Variants in CEP128 observed in about 807,000 individuals in gnomAD.
CEP128 encodes centrosomal protein 128kDa.
In CEP128, 132 loss-of-function variants were observed where a neutral mutation model predicts 156.7. That is an observed-to-expected ratio of 0.84 (90% confidence interval 0.73 to 0.97). CEP128 has a LOEUF of 0.97. CEP128 is among the 50% of genes least tolerant of loss of function. The pLI is 0.00. For synonymous variants in CEP128, 469 were observed against 448.9 expected (o/e 1.04, Z -0.57); for missense variants, 1,252 against 1,281.9 (o/e 0.98, Z 0.36).
intron 19 of CEP128, among the ~76,000 whole-genome samples, chr14:80,726,209 A>G (rs940310703): frequency 2.6e-5 from 4 of 152,204 alleles, no homozygotes; most frequent in Non-Finnish European, 5.9e-5. Context: ...TTGTATTAAT[A>G]GGGAAAATTC....
At chr14:80,520,658 A>G (rs1271627665) in intron 23 of CEP128, among the ~76,000 whole-genome samples, 1 of 151,886 alleles carries the variant, frequency 6.6e-6, no homozygotes, top group Non-Finnish European at 1.5e-5. Flanking sequence ...ACATGACTTT[A>G]ATCCATTTTC....
chr14:80,859,329 T>C (rs1887388039), intron 9 of CEP128, among the ~76,000 whole-genome samples: 1 of 144,002 alleles, frequency 6.9e-6, no homozygotes, highest in Non-Finnish European at 1.5e-5. Flanking sequence ...TTCTCACTCA[T>C]AGGTGGGAAT....
At position 80,730,601 on chromosome 14, in the gene CEP128, T is replaced by C. The variant is rs1290591343; in HGVS notation, c.2806+12474A>G. Among the ~76,000 whole-genome samples the C allele has an allele frequency of 1.3e-5, 2 of 152,246 alleles. 1 individual carries two copies. The highest frequency in any genetic ancestry group is 4.1e-4 in the South Asian group (2 of 4,836). On this transcript the variant is annotated intron_variant, in intron 19 of 24. Transcript: ENST00000555265. ...GCTTTGTAGAGAGACAAATATTTCA[T>C]GACCACAAAAGTGTAAGTTAGTCAG...
At chr14:80,508,475 TC>T (rs1473477278) in intron 23 of CEP128, among the ~76,000 whole-genome samples, 5 of 152,208 alleles carry the variant, frequency 3.3e-5, no homozygotes, top group African/African-American at 1.2e-4. Flanking sequence ...ATTTTCTCTA[TC>T]ATGATCATCA....
chr14:80,544,509 G>A (rs970765389), intron 21 of CEP128, among the ~76,000 whole-genome samples: 9 of 151,974 alleles, frequency 5.9e-5, no homozygotes, highest in African/African-American at 2.2e-4. Context: ...TCTTATATGG[G>A]CACTAATTCC....
chr14:80,659,461 A>G (rs1424301524), intron 19 of CEP128, among the ~76,000 whole-genome samples: 2 of 152,178 alleles, frequency 1.3e-5, no homozygotes, highest in African/African-American at 2.4e-5. Context: ...GAATAAAGAC[A>G]CGCATGCATT....
intron 19 of CEP128, among the ~76,000 whole-genome samples, chr14:80,680,545 T>C (rs1298827216): frequency 6.6e-6 from 1 of 152,030 alleles, no homozygotes; most frequent in Non-Finnish European, 1.5e-5. Flanking sequence ...CGCAGACAAA[T>C]ATCCAGGCAT....
intron 21 of CEP128, among the ~76,000 whole-genome samples, chr14:80,535,107 T>G (rs1889424564): frequency 6.6e-6 from 1 of 152,166 alleles, no homozygotes; most frequent in African/African-American, 2.4e-5. Context: ...CTTAATCCTG[T>G]TTAGTAGCAA....
Position 80,496,963 on chromosome 14 carries a change from AT to A in CEP128, c.*515del, listed in dbSNP as rs1887519159. On this transcript the variant is annotated 3_prime_UTR_variant, in exon 25 of 25. Coordinates refer to ENST00000555265, the MANE Select transcript of CEP128 (RefSeq NM_152446.5). ...GATGATAGATATAAAAGTCCTGAGC[AT>A]TTATAAAGTGGACTGTCTAATGTTA... 2 of 152,448 alleles carry A rather than the reference AT, an allele frequency of 1.3e-5. No individual in the cohort carries two copies. Among genetic ancestry groups the A allele is most frequent in the Admixed American group, 1.3e-4 (2 of 15,274 alleles). The allele number at this position is 152,448 out of a possible 1,614,324, so 9.4% of individuals were successfully genotyped here.
chr14:80,686,201 C>T (rs547541951), intron 19 of CEP128, among the ~76,000 whole-genome samples: 258 of 151,910 alleles, frequency 1.7e-3, no homozygotes, highest in Admixed American at 3.5e-3. Context: ...ACTATGCATC[C>T]GACAAAAGTA....
intron 8 of CEP128, among the ~76,000 whole-genome samples, chr14:80,892,081 A>T (rs1756037399): frequency 6.6e-6 from 1 of 151,994 alleles, no homozygotes; most frequent in Non-Finnish European, 1.5e-5. Flanking sequence ...TAAAATTTGT[A>T]TGGAAACATA....
chr14:80,957,849 A>G (rs947255708), intron 2 of CEP128: 1 of 152,244 alleles, frequency 6.6e-6, no homozygotes, highest in Non-Finnish European at 1.5e-5. Flanking sequence ...AGGTGATGAC[A>G]TGATGCTGAT....
At position 80,756,749 on chromosome 14, in the gene CEP128, T is replaced by G. The variant is rs1899679301; in HGVS notation, c.2613+143A>C. 2.0e-5 allele frequency: 12 copies of G among 594,954 alleles called. No homozygotes were observed. In the South Asian group the frequency reaches 2.7e-4, roughly 13 times the overall value. 36.9% of individuals were successfully genotyped at this position (594,954 alleles called of 1,614,324 possible). ...ATAAGAAACATGGAGATTCCCTAAG[T>G]GGACTGCAGTGATATCTTCCCCTGC... is the stretch of plus-strand genomic sequence containing the variant. On this transcript the variant is annotated intron_variant, in intron 18 of 24. Transcript: ENST00000555265.
chr14:80,572,158 A>G (rs371682934), intron 20 of CEP128, among the ~76,000 whole-genome samples: 4 of 152,212 alleles, frequency 2.6e-5, no homozygotes, highest in African/African-American at 4.8e-5. Flanking sequence ...AGTAGACTGA[A>G]GCATAAAATA....
chr14:80,938,956 T>C (rs1274912655), intron 2 of CEP128, among the ~76,000 whole-genome samples: 1 of 152,208 alleles, frequency 6.6e-6, no homozygotes, highest in Non-Finnish European at 1.5e-5. Context: ...TGGGTGGGAC[T>C]GAAATTTGGA....
intron 2 of CEP128, among the ~76,000 whole-genome samples, chr14:80,932,315 G>C (rs746203322): frequency 6.6e-6 from 1 of 152,242 alleles, no homozygotes; most frequent in South Asian, 2.1e-4. Context: ...AAATTGGGAA[G>C]AAATGGTTCC....
intron 8 of CEP128, among the ~76,000 whole-genome samples, chr14:80,864,564 T>A (rs1228616154): frequency 6.6e-6 from 1 of 151,690 alleles, no homozygotes; most frequent in Non-Finnish European, 1.5e-5. Context: ...TTTCTCAATT[T>A]TTTTTTTTTT....
At chr14:80,792,422 GA>G (rs778181071) in intron 14 of CEP128, among the ~76,000 whole-genome samples, 1 of 152,166 alleles carries the variant, frequency 6.6e-6, no homozygotes, top group East Asian at 1.9e-4. Context: ...AAAGTTGTGT[GA>G]AAATAACAAA....
chr14:80,706,564 C>G (rs2139388475), intron 19 of CEP128, among the ~76,000 whole-genome samples: 1 of 152,162 alleles, frequency 6.6e-6, no homozygotes, highest in African/African-American at 2.4e-5. Flanking sequence ...TCATTTATCT[C>G]TGCTGTCAAT....
Sources: gnomAD v4.1 joint callset for allele counts (sites outside exome capture counted in the v4.1 genomes callset) on GRCh38, gnomAD v4.1.1 for gene constraint, MANE v1.5 for transcripts, NCBI Gene and HGNC (gene_info 2026-07-23, HGNC 2026-07-21) for gene names.